Variants in C3orf20 observed in about 807,000 individuals in gnomAD.
C3orf20 encodes the protein family with sequence similarity 149 member C, also known as uncharacterized protein C3orf20.
A neutral mutation model predicts 88.3 loss-of-function variants in C3orf20; 76 were observed. That is an observed-to-expected ratio of 0.86 (90% confidence interval 0.72 to 1.04). The LOEUF (loss-of-function observed/expected upper bound fraction) is 1.04. C3orf20 is among the 50% of genes least tolerant of loss of function. C3orf20 has a pLI of 0.00. For missense variants in C3orf20, 1,056 were observed against 1,123.3 expected (o/e 0.94, Z 0.86); for synonymous variants, 436 against 437.4 (o/e 1.00, Z 0.04).
chr3:14,705,758 C>A (rs1404721484), intron 7 of C3orf20, among the ~76,000 whole-genome samples: 1 of 152,154 alleles, frequency 6.6e-6, no homozygotes, highest in Admixed American at 6.5e-5. Context: ...TCTAGAGTTA[C>A]ATAAAATGTC....
intron 15 of C3orf20, among the ~76,000 whole-genome samples, chr3:14,767,794 C>T (rs1357863471): frequency 6.6e-6 from 1 of 152,272 alleles, no homozygotes; most frequent in Non-Finnish European, 1.5e-5. Context: ...TGTGCGCCCT[C>T]ACGGGCCTGC....
chr3:14,766,755 T>C (rs1032408571), intron 15 of C3orf20, among the ~76,000 whole-genome samples: 5 of 152,194 alleles, frequency 3.3e-5, no homozygotes, highest in African/African-American at 9.6e-5. Flanking sequence ...GTTGGCCCTC[T>C]TAGCTCAGCC....
chr3:14,678,422 C>T (rs972460285), intron 1 of C3orf20, among the ~76,000 whole-genome samples: 4 of 152,198 alleles, frequency 2.6e-5, no homozygotes, highest in African/African-American at 9.6e-5. Context: ...GGTTTCCATT[C>T]CGCCTTGCAG....
intron 13 of C3orf20, among the ~76,000 whole-genome samples, chr3:14,758,081 A>G (rs575281947): frequency 7.2e-5 from 11 of 152,290 alleles, no homozygotes; most frequent in African/African-American, 2.6e-4. Context: ...TGTGCTGGGC[A>G]TGGACCGGGC....
intron 1 of C3orf20, among the ~76,000 whole-genome samples, chr3:14,680,480 C>T (rs895902882): frequency 1.2e-4 from 19 of 152,152 alleles, no homozygotes; most frequent in African/African-American, 2.9e-4. Flanking sequence ...AGAAACTAGA[C>T]GAATGGTTGC....
At position 14,704,503 on chromosome 3, in the gene C3orf20, A is replaced by C. The variant is rs752058548; in HGVS notation, c.1045A>C (p.Thr349Pro). The C allele has an allele frequency of 1.9e-6, 3 of 1,613,862 alleles. No homozygotes were observed. The East Asian group carries it at 6.7e-5, about 36-fold the overall frequency. ...PTAGAQTLSP[T>P]SHPSSANHHF... ...TGCAGGTGCTCAGACTCTCAGCCCC[A>C]CCTCTCACCCATCTTCTGCCAACCA... Residue 349 changes from threonine (T) to proline (P), a missense_variant, in exon 7 of 17, where the codon ACC (threonine) becomes CCC (proline). Transcript: ENST00000253697.
intron 10 of C3orf20, among the ~76,000 whole-genome samples, chr3:14,723,677 G>A (rs1243731677): frequency 3.3e-5 from 5 of 152,162 alleles, no homozygotes; most frequent in Admixed American, 1.3e-4. Context: ...CAAACTACCC[G>A]CAAGAGTTTG....
intron 6 of C3orf20, 57 bp from the exon 7 acceptor site, chr3:14,704,280 A>G: frequency 6.3e-7 from 1 of 1,575,368 alleles, no homozygotes; most frequent in South Asian, 1.2e-5. Context: ...TGTAGAGAGC[A>G]TCCCTGGTGC....
At chr3:14,698,929 CT>C (rs1478209463) in intron 5 of C3orf20, among the ~76,000 whole-genome samples, 1 of 152,142 alleles carries the variant, frequency 6.6e-6, no homozygotes, top group East Asian at 1.9e-4. Flanking sequence ...AGTAAAAAAC[CT>C]TCAAAATCTA....
chr3:14,687,913 C>T (rs2032513655), intron 4 of C3orf20, among the ~76,000 whole-genome samples: 2 of 152,168 alleles, frequency 1.3e-5, no homozygotes, highest in African/African-American at 4.8e-5. Flanking sequence ...CAGCCGATTG[C>T]TGAGAGCGCC....
At chr3:14,722,528 T>C (rs1477014423) in intron 10 of C3orf20, 2 of 456,600 alleles carry the variant, frequency 4.4e-6, no homozygotes, top group African/African-American at 2.0e-5. Context: ...TACCAGTGCA[T>C]GTTGATGACC....
intron 12 of C3orf20, among the ~76,000 whole-genome samples, chr3:14,746,616 T>C (rs868468184): frequency 6.6e-6 from 1 of 152,232 alleles, no homozygotes; most frequent in Non-Finnish European, 1.5e-5. Context: ...AGTGTCAGGA[T>C]GGACCTGTTC....
intron 8 of C3orf20, among the ~76,000 whole-genome samples, 157 bp downstream of exon 8, chr3:14,714,316 A>C (rs1161441097): frequency 2.0e-5 from 3 of 152,174 alleles, no homozygotes; most frequent in Admixed American, 2.0e-4. Context: ...CTGTTTCTGC[A>C]GGGACATAGG....
chr3:14,721,884 C>G, intron 10 of C3orf20, 100 bp downstream of exon 10: 1 of 1,471,808 alleles, frequency 6.8e-7, no homozygotes, highest in South Asian at 1.3e-5. Context: ...TCCCCACCAC[C>G]CTTCCATGCA....
rs2032176135 is a variant in C3orf20, at chr3:14,682,927, A to T, written c.214A>T (p.Ser72Cys). The change falls in exon 3 of 17, where the codon AGC (serine) becomes TGC (cysteine). Residue 72 changes from serine to cysteine, a missense_variant. Physicochemically the swap from Ser to Cys is moderately radical, Grantham distance 112. Coordinates refer to ENST00000253697, the MANE Select transcript of C3orf20 (RefSeq NM_032137.5). ...GTCCGACATCTTGGGCCTGGAGGTCAGCTTTGGAGCCCCCCTGGTGGTGCT... is the reference window on the plus strand; with the variant it reads ...GTCCGACATCTTGGGCCTGGAGGTCTGCTTTGGAGCCCCCCTGGTGGTGCT... ...TPSDILGLEV[S>C]FGAPLVVLME... The T allele has an allele frequency of 6.2e-7, 1 of 1,614,056 alleles. No homozygotes were observed. Among genetic ancestry groups the T allele is most frequent in the South Asian group, 1.1e-5 (1 of 91,088 alleles).
At chr3:14,691,439 G>A (rs1053508292) in intron 5 of C3orf20, among the ~76,000 whole-genome samples, 8 of 152,174 alleles carry the variant, frequency 5.3e-5, no homozygotes, top group Non-Finnish European at 8.8e-5. Context: ...CTTTTTCTGC[G>A]TAATGAACTT....
At chr3:14,730,825 T>C (rs1183352709) in intron 12 of C3orf20, among the ~76,000 whole-genome samples, 2 of 152,240 alleles carry the variant, frequency 1.3e-5, no homozygotes, top group Non-Finnish European at 2.9e-5. Context: ...GGTCAATCAT[T>C]TTAATACAGC....
At chr3:14,770,502 C>T (rs369496128) in intron 15 of C3orf20, among the ~76,000 whole-genome samples, 7 of 152,138 alleles carry the variant, frequency 4.6e-5, no homozygotes, top group South Asian at 2.1e-4. Context: ...CCCGTAAACA[C>T]TGTTTCTTGC....
intron 9 of C3orf20, among the ~76,000 whole-genome samples, chr3:14,719,605 G>A (rs957756384): frequency 1.3e-5 from 2 of 152,196 alleles, no homozygotes; most frequent in South Asian, 2.1e-4. Flanking sequence ...AGAGACTGGG[G>A]ATAATGGATA....
Sources: gnomAD v4.1 joint callset for allele counts (sites outside exome capture counted in the v4.1 genomes callset) on GRCh38, gnomAD v4.1.1 for gene constraint, MANE v1.5 for transcripts, NCBI Gene and HGNC (gene_info 2026-07-23, HGNC 2026-07-21) for gene names.